The following MEAF6 variants were observed in gnomAD, a reference collection of about 807,000 sequenced individuals.
MEAF6 encodes the protein chromatin modification-related protein MEAF6.
In MEAF6, 15 loss-of-function variants were observed where a neutral mutation model predicts 28.9. The ratio of observed to expected loss-of-function variants is 0.52; its 90% confidence interval spans 0.35 to 0.80. MEAF6 has a LOEUF of 0.80. MEAF6 is among the 30% of genes least tolerant of loss of function. MEAF6 has a pLI of 0.01. For synonymous variants in MEAF6, 97 were observed against 88.7 expected, an observed-to-expected ratio of 1.09 and a Z score of -0.53; for missense variants, 178 against 237.5, an observed-to-expected ratio of 0.75 and a Z score of 1.65.
intron 6 of MEAF6, among the ~76,000 whole-genome samples, chr1:37,494,876 T>A (rs187889220): frequency 6.6e-6 from 1 of 151,744 alleles, no homozygotes; most frequent in Non-Finnish European, 1.5e-5. Context: ...CCAAATATAA[T>A]GTACAATATT....
intron 5 of MEAF6, among the ~76,000 whole-genome samples, chr1:37,499,503 C>G (rs1461756091): frequency 6.6e-6 from 1 of 152,162 alleles, no homozygotes; most frequent in Admixed American, 6.6e-5. Flanking sequence ...AGAGCCTTAA[C>G]TGACCGCTCG....
chr1:37,492,692 A>G lies in MEAF6; in HGVS notation c.*1407T>C, dbSNP rs1641977785. On this transcript the variant is annotated 3_prime_UTR_variant, in exon 7 of 7. Coordinates refer to ENST00000296214, the MANE Select transcript of MEAF6 (RefSeq NM_001270875.3). ...TTCAGCCCTACCAATACTATCACAA[A>G]TGAAACATACTATTTCTTACAAAGA... 1 of 152,640 alleles carries G rather than the reference A, an allele frequency of 6.6e-6. No homozygotes were observed. The highest frequency in any genetic ancestry group is 2.1e-4 in the South Asian group (1 of 4,836). The allele number at this position is 152,640 out of a possible 1,614,324, so 9.5% of individuals were successfully genotyped here.
intron 6 of MEAF6, 58 bp downstream of exon 6, chr1:37,495,826 AT>A: frequency 6.4e-7 from 1 of 1,561,700 alleles, no homozygotes; most frequent in Non-Finnish European, 8.8e-7. Context: ...AGACAAATAC[AT>A]TTTTCTAATC....
In MEAF6 at chr1:37,491,694, G is replaced by GTCAA. The variant is rs1175958823; in HGVS notation, c.*2401_*2404dup. 9.8e-6 allele frequency among the ~76,000 whole-genome samples: 1 copy of GTCAA among 102,346 alleles called. No homozygotes were observed. The highest frequency in any genetic ancestry group is 2.2e-5 in the Non-Finnish European group (1 of 44,552). The allele number at this position is 102,346 out of a possible 152,430, so 67.1% of individuals were successfully genotyped here. A position where few individuals can be genotyped will look rare whatever the true frequency, so the allele number is the denominator to read the frequency against. On this transcript the variant is annotated 3_prime_UTR_variant, in exon 7 of 7. Coordinates refer to ENST00000296214, the MANE Select transcript of MEAF6 (RefSeq NM_001270875.3). ...AGCCTGGGTGACAGAGCAAGATCCT[G>GTCAA]TCAATAAATAAATAAATAAATAAAT...
chr1:37,507,200 A>G (rs912542995), intron 4 of MEAF6, among the ~76,000 whole-genome samples: 1 of 152,110 alleles, frequency 6.6e-6, no homozygotes. Flanking sequence ...CACACCTGTA[A>G]TCCCAGCTAC....
In MEAF6 at chr1:37,492,741, G is replaced by A. The variant is rs1265281560; in HGVS notation, c.*1358C>T. 1 of 152,600 alleles carries A rather than the reference G, an allele frequency of 6.6e-6. No individual in the cohort carries two copies. Among genetic ancestry groups the A allele is most frequent in the East Asian group, 1.9e-4 (1 of 5,200 alleles). The allele number at this position is 152,600 out of a possible 1,614,324, so 9.5% of individuals were successfully genotyped here. A position where few individuals can be genotyped will look rare whatever the true frequency, so the allele number is the denominator to read the frequency against. On this transcript the variant is annotated 3_prime_UTR_variant, in exon 7 of 7. Coordinates refer to ENST00000296214, the MANE Select transcript of MEAF6 (RefSeq NM_001270875.3). ...GATATAGGCATAAGTCAAGGACTATGACTAACTAGAGTGAAAGGAAAGGTT... is the reference window on the plus strand; with the variant it reads ...GATATAGGCATAAGTCAAGGACTATAACTAACTAGAGTGAAAGGAAAGGTT...
At chr1:37,497,846 C>T (rs1642170877) in intron 5 of MEAF6, among the ~76,000 whole-genome samples, 1 of 152,110 alleles carries the variant, frequency 6.6e-6, no homozygotes, top group Non-Finnish European at 1.5e-5. Context: ...TCTGCCTCGG[C>T]CCCCTAAAGT....
At chr1:37,510,406 G>C (rs1199805208) in intron 2 of MEAF6, among the ~76,000 whole-genome samples, 1 of 80,470 alleles carries the variant, frequency 1.2e-5, no homozygotes, top group Non-Finnish European at 2.5e-5. Context: ...TTTTTTTTGA[G>C]AGTCTCACTC....
chr1:37,511,597 G>A (rs1401601651), intron 2 of MEAF6, among the ~76,000 whole-genome samples: 1 of 152,152 alleles, frequency 6.6e-6, no homozygotes, highest in Non-Finnish European at 1.5e-5. Context: ...CAAATAATAG[G>A]ACAATGTGAC....
chr1:37,507,277 G>A (rs1489981050), intron 4 of MEAF6, among the ~76,000 whole-genome samples: 1 of 151,158 alleles, frequency 6.6e-6, no homozygotes, highest in East Asian at 2.0e-4. Flanking sequence ...CCGAGATCAC[G>A]CCATTGCACT....
intron 2 of MEAF6, among the ~76,000 whole-genome samples, chr1:37,510,077 A>ATT (rs958473140): frequency 3.4e-4 from 45 of 133,360 alleles, no homozygotes; most frequent in South Asian, 1.6e-3. Flanking sequence ...GCGCCCAGAC[A>ATT]TTTTTTTTTT....
At chr1:37,503,225 C>T (rs775378413) in intron 4 of MEAF6, among the ~76,000 whole-genome samples, 1 of 152,206 alleles carries the variant, frequency 6.6e-6, no homozygotes, top group African/African-American at 2.4e-5. Flanking sequence ...GCATGAGCCA[C>T]GCATTCTGCT....
chr1:37,493,625 AAAT>A lies in MEAF6; in HGVS notation c.*471_*473del. ...AGGCATTACAAAAAAACCCCAAAGA[AAAT>A]AAGATAAAAACAACAAGAGAAAAAC... On this transcript the variant is annotated 3_prime_UTR_variant, in exon 7 of 7. Coordinates refer to ENST00000296214, the MANE Select transcript of MEAF6 (RefSeq NM_001270875.3). 1.3e-6 allele frequency: 1 copy of A among 772,172 alleles called. No homozygotes were observed. Among genetic ancestry groups the A allele is most frequent in the Non-Finnish European group, 2.1e-6 (1 of 466,078 alleles). 47.8% of individuals were successfully genotyped at this position (772,172 alleles called of 1,614,324 possible).
rs750991653 is a variant in MEAF6, at chr1:37,501,865, A to C, written c.472T>G (p.Ser158Ala). 4.4e-6 allele frequency: 7 copies of C among 1,606,712 alleles called. No individual in the cohort carries two copies. Among genetic ancestry groups the C allele is most frequent in the Non-Finnish European group, 5.1e-6 (6 of 1,174,552 alleles). The change falls in exon 5 of 7, where the codon TCT (serine) becomes GCT (alanine). Residue 158 changes from serine (S) to alanine (A), a missense_variant. Transcript: ENST00000296214. ...CTGTGGTGACTCCCTGAGGAAGTAG[A>C]AGAAGCAGCCTTCTGAGGTTTCACT... ...QGVKPQKAAS[S>A]TSSGSHHSSH...
chr1:37,514,585 G>C, intron 1 of MEAF6, 72 bp downstream of exon 1: 1 of 1,247,770 alleles, frequency 8.0e-7, no homozygotes, highest in Non-Finnish European at 1.1e-6. Context: ...GCCTAGCGCG[G>C]CCGGGCTTGG....
At chr1:37,506,501 C>CA (rs1642487795) in intron 4 of MEAF6, among the ~76,000 whole-genome samples, 1 of 152,016 alleles carries the variant, frequency 6.6e-6, no homozygotes, top group Non-Finnish European at 1.5e-5. Flanking sequence ...CCTCCTGAAT[C>CA]ACTGGGGCTA....
chr1:37,495,857 T>TC (rs780983244), intron 6 of MEAF6, 28 bp downstream of exon 6: 2 of 1,612,984 alleles, frequency 1.2e-6, no homozygotes, highest in African/African-American at 2.7e-5. Context: ...ATTGCCAGCC[T>TC]CTCTGAAGTG....
At chr1:37,497,128 C>T (rs1446952306) in intron 5 of MEAF6, among the ~76,000 whole-genome samples, 1 of 152,168 alleles carries the variant, frequency 6.6e-6, no homozygotes, top group Admixed American at 6.5e-5. Context: ...AGAGTGCTAA[C>T]AACTCAGCAT....
Position 37,514,651 on chromosome 1 carries a change from C to A in MEAF6, c.90+6G>T. On this transcript the variant is annotated splice_donor_region_variant and intron_variant, in intron 1 of 6. Transcript: ENST00000296214. ...ATGCCGTGCAACCCCTGTCCTAGCC[C>A]CTCACCGCCAGCTCCTGCTTCCGCT... The A allele has an allele frequency of 6.5e-7, 1 of 1,532,330 alleles. No homozygotes were observed. The allele number at this position is 1,532,330 out of a possible 1,614,324, so 94.9% of individuals were successfully genotyped here.
Sources: gnomAD v4.1 joint callset for allele counts (sites outside exome capture counted in the v4.1 genomes callset) on GRCh38, gnomAD v4.1.1 for gene constraint, MANE v1.5 for transcripts, NCBI Gene and HGNC (gene_info 2026-07-23, HGNC 2026-07-21) for gene names.